Variants in C2orf69 observed in about 807,000 individuals in gnomAD.
C2orf69 encodes mitochondrial protein C2orf69.
C2orf69 carries 19 observed loss-of-function variants against 29.5 expected under a neutral mutation model. The observed-to-expected ratio is 0.65, with a 90% CI of 0.45 to 0.95. C2orf69 has a LOEUF of 0.95. Among genes scored for constraint, C2orf69 ranks in the 40% least tolerant of loss-of-function variants. The pLI is 0.00. For synonymous variants in C2orf69, 194 were observed against 180.0 expected (o/e 1.08, Z -0.62); for missense variants, 416 against 482.1 (o/e 0.86, Z 1.28).
intron 1 of C2orf69, among the ~76,000 whole-genome samples, chr2:199,917,289 CA>C (rs2077296953): frequency 6.6e-6 from 1 of 152,220 alleles, no homozygotes; most frequent in Admixed American, 6.5e-5. Context: ...AGATCTGTGA[CA>C]TGCCCTGGAG....
intron 1 of C2orf69, among the ~76,000 whole-genome samples, chr2:199,919,963 C>CT (rs1057106814): frequency 2.6e-5 from 4 of 152,190 alleles, no homozygotes; most frequent in Admixed American, 1.3e-4. Context: ...GAGTGGGTCT[C>CT]TGAGTTTTTG....
intron 1 of C2orf69, among the ~76,000 whole-genome samples, chr2:199,913,184 T>A (rs1371023052): frequency 1.1e-4 from 12 of 105,490 alleles, no homozygotes; most frequent in Non-Finnish European, 1.8e-4. Context: ...TATATAAAAT[T>A]ATATATATTA....
At position 199,925,268 on chromosome 2, in the gene C2orf69, C is replaced by G; in HGVS notation, c.540C>G (p.Asp180Glu). The change falls in exon 2 of 2, where the codon GAC becomes GAG. Residue 180 changes from aspartate (D) to glutamate (E), a missense_variant. Transcript: ENST00000319974. The surrounding 1 kb of genome is among the most constrained non-coding windows in gnomAD (Gnocchi z 4.9). ...NMFGAPEHNT[D>E]FGAFKHLYML... is the part of the protein sequence containing the mutation. ...TTGGTGCCCCAGAACACAATACTGA[C>G]TTTGGAGCTTTTAAGCACCTTTATA... 3 of 1,612,308 alleles carry G rather than the reference C, an allele frequency of 1.9e-6. No homozygotes were observed. The highest frequency in any genetic ancestry group is 2.5e-6 in the Non-Finnish European group (3 of 1,179,724).
chr2:199,911,737 A>G lies in C2orf69; in HGVS notation c.299A>G (p.Gln100Arg). 6.5e-7 allele frequency: 1 copy of G among 1,541,362 alleles called. No individual in the cohort carries two copies. Among genetic ancestry groups the G allele is most frequent in the Non-Finnish European group, 8.7e-7 (1 of 1,146,908 alleles). ...PAKEEPQPPP[Q>R]HHVLYFPGDV... The stretch of plus-strand genomic sequence containing the variant: ...AAGGAGGAGCCGCAGCCGCCGCCCC[A>G]GCATCACGTCCTCTATTTCCCTGGG... The change falls in exon 1 of 2, where the codon CAG becomes CGG. Residue 100 changes from glutamine to arginine, a missense_variant. Gln to Arg is a conservative substitution (Grantham distance 43, BLOSUM62 1). Around this residue, in one of 4 missense-constraint regions of C2orf69, gnomAD observed 175 missense variants for 139.9 expected, o/e 1.25. Transcript: ENST00000319974.
intron 1 of C2orf69, among the ~76,000 whole-genome samples, chr2:199,920,005 G>A (rs2077308161): frequency 6.6e-6 from 1 of 152,184 alleles, no homozygotes; most frequent in South Asian, 2.1e-4. Context: ...GGAGTAGTAG[G>A]CATTCTTTAA....
chr2:199,913,433 A>ATATTC (rs1553564888), intron 1 of C2orf69, among the ~76,000 whole-genome samples: 1,286 of 33,128 alleles, frequency 0.039, 97 homozygotes, highest in Non-Finnish European at 0.059. Flanking sequence ...TATAAAATAT[A>ATATTC]TATTATATAA....
rs2077333161 is a variant in C2orf69, at chr2:199,925,769, G to A, written c.1041G>A (p.Glu347=). Residue 347 remains glutamate (E), a synonymous_variant, in exon 2 of 2, where the codon GAG becomes GAA. Transcript: ENST00000319974. This position sits in a 1 kb window ranked among gnomAD's most constrained non-coding sequence, Gnocchi z 4.9. ...CAATGAGATCTTGGATTGGAAAGGA[G>A]CACAAGAAATTTGTTCAGATACTTG... ...RDPMRSWIGK[E]HKKFVQILGD... 3 of 1,613,770 alleles carry A rather than the reference G, an allele frequency of 1.9e-6. No homozygotes were observed. The highest frequency in any genetic ancestry group is 2.7e-5 in the African/African-American group (2 of 74,912).
chr2:199,913,481 A>AATATATATATTATATTATATAAAAT, intron 1 of C2orf69, among the ~76,000 whole-genome samples: 1 of 104,710 alleles, frequency 9.6e-6, no homozygotes, highest in Admixed American at 1.5e-4. Flanking sequence ...TATTATATAA[A>AATATATATATTATATTATATAAAAT]ATATATATTA....
intron 1 of C2orf69, among the ~76,000 whole-genome samples, chr2:199,912,939 C>T (rs1193225655): frequency 1.3e-5 from 2 of 151,440 alleles, no homozygotes; most frequent in East Asian, 3.9e-4. Flanking sequence ...CCGCGCCCGG[C>T]CTACATGTGT....
chr2:199,925,213 G>A lies in C2orf69; in HGVS notation c.485G>A (p.Cys162Tyr). The A allele has an allele frequency of 6.2e-7, 1 of 1,612,488 alleles. No homozygotes were observed. Among genetic ancestry groups the A allele is most frequent in the Admixed American group, 1.7e-5 (1 of 60,000 alleles). The change falls in exon 2 of 2, where the codon TGC becomes TAC. Residue 162 changes from cysteine to tyrosine, a missense_variant. This residue lies in a region of C2orf69 where 225 missense variants were observed against 307.3 expected (regional missense o/e 0.73). Coordinates refer to ENST00000319974, the MANE Select transcript of C2orf69 (RefSeq NM_153689.6). This position sits in a 1 kb window ranked among gnomAD's most constrained non-coding sequence, Gnocchi z 4.9. ...CGAATGCATTTGCACAAATTCAGCTGCTATGACAATTTTGTGAAAAGTAAC... is the reference window on the plus strand; with the variant it reads ...CGAATGCATTTGCACAAATTCAGCTACTATGACAATTTTGTGAAAAGTAAC... Reference protein sequence around the residue: ...CSRMHLHKFSCYDNFVKSNMF... With the variant: ...CSRMHLHKFSYYDNFVKSNMF...
At chr2:199,918,771 G>T (rs565482489) in intron 1 of C2orf69, among the ~76,000 whole-genome samples, 1 of 152,090 alleles carries the variant, frequency 6.6e-6, no homozygotes, top group African/African-American at 2.4e-5. Context: ...AAGTACCTCC[G>T]TGCTCCTTTA....
In C2orf69 at chr2:199,911,328, G is replaced by C. The variant is rs925068545; in HGVS notation, c.-111G>C. On this transcript the variant is annotated 5_prime_UTR_variant, in exon 1 of 2. Coordinates refer to ENST00000319974, the MANE Select transcript of C2orf69 (RefSeq NM_153689.6). ...GTCGCCTCAGCGCCGGCTCCCGGCC[G>C]GGCCGCGGCCGCCGACCGTTGAGCC... is the stretch of plus-strand genomic sequence containing the variant. 1.5e-5 allele frequency: 20 copies of C among 1,291,694 alleles called. No individual in the cohort carries two copies. Among genetic ancestry groups the C allele is most frequent in the Non-Finnish European group, 2.0e-5 (20 of 1,001,934 alleles). The allele number at this position is 1,291,694 out of a possible 1,614,324, so 80.0% of individuals were successfully genotyped here. A position where few individuals can be genotyped will look rare whatever the true frequency, so the allele number is the denominator to read the frequency against.
rs1449288570 is a variant in C2orf69 at position 199,911,460 on chromosome 2, C to T, written c.22C>T (p.Arg8Trp). Residue 8 changes from arginine (R) to tryptophan (W), a missense_variant, in exon 1 of 2, where the codon CGG becomes TGG. Coordinates refer to ENST00000319974, the MANE Select transcript of C2orf69 (RefSeq NM_153689.6). ...ACCCATGTGGGGGTTCAGGCTCCTG[C>T]GGTCGCCGCCGTTGCTGCTCCTGCT... is the stretch of plus-strand genomic sequence containing the variant. MWGFRLL[R>W]SPPLLLLLPQ... is the part of the protein sequence containing the mutation. 1 of 1,543,476 alleles carries T rather than the reference C, an allele frequency of 6.5e-7. No homozygotes were observed. The highest frequency in any genetic ancestry group is 8.7e-7 in the Non-Finnish European group (1 of 1,143,668).
In C2orf69 at chr2:199,911,389, G is replaced by C. The variant is rs1574775608; in HGVS notation, c.-50G>C. 6 of 1,421,568 alleles carry C rather than the reference G, an allele frequency of 4.2e-6. No individual in the cohort carries two copies. The East Asian group carries it at 1.4e-4, about 33-fold the overall frequency. The allele number at this position is 1,421,568 out of a possible 1,614,324, so 88.1% of individuals were successfully genotyped here. A position where few individuals can be genotyped will look rare whatever the true frequency, so the allele number is the denominator to read the frequency against. The stretch of plus-strand genomic sequence containing the variant: ...CCGCCTGCTGAAGTCCCTCCCTCAG[G>C]AACCCCTCCGCCACCCTCCACCTCC... On this transcript the variant is annotated 5_prime_UTR_variant, in exon 1 of 2. Coordinates refer to ENST00000319974, the MANE Select transcript of C2orf69 (RefSeq NM_153689.6).
chr2:199,912,701 C>T (rs936172981), intron 1 of C2orf69, among the ~76,000 whole-genome samples: 1 of 151,990 alleles, frequency 6.6e-6, no homozygotes, highest in Non-Finnish European at 1.5e-5. Flanking sequence ...AGTGCAGTGG[C>T]GCAGTCTCGA....
Position 199,927,698 on chromosome 2 carries a change from G to T in C2orf69, c.*1812G>T, listed in dbSNP as rs2077341218. 6.6e-6 allele frequency: 1 copy of T among 151,138 alleles called. No individual in the cohort carries two copies. The highest frequency in any genetic ancestry group is 1.5e-5 in the Non-Finnish European group (1 of 67,842). The allele number at this position is 151,138 out of a possible 1,614,324, so 9.4% of individuals were successfully genotyped here. A position where few individuals can be genotyped will look rare whatever the true frequency, so the allele number is the denominator to read the frequency against. ...ATTTTAACATTTTACATATTACATT[G>T]CCTTTAAGCACTATGATTGGATGGC... is the stretch of plus-strand genomic sequence containing the variant. On this transcript the variant is annotated 3_prime_UTR_variant, in exon 2 of 2. Transcript: ENST00000319974.
At chr2:199,917,051 C>G (rs935408879) in intron 1 of C2orf69, among the ~76,000 whole-genome samples, 2 of 152,224 alleles carry the variant, frequency 1.3e-5, no homozygotes, top group African/African-American at 4.8e-5. Context: ...AACCTCAATT[C>G]CTTACTTTTA....
At chr2:199,921,788 C>T (rs947461678) in intron 1 of C2orf69, among the ~76,000 whole-genome samples, 12 of 151,724 alleles carry the variant, frequency 7.9e-5, no homozygotes, top group Non-Finnish European at 1.2e-4. Context: ...CTAGAGAAAA[C>T]GACTGCTAGA....
In C2orf69 at chr2:199,911,691, G is replaced by T. The variant is rs1477384619; in HGVS notation, c.253G>T (p.Asp85Tyr). ...AAAGEGLERQDLPGDPAKEEP... is the reference protein window; with the variant it reads ...AAAGEGLERQYLPGDPAKEEP... ...GGCCGGGGAGGGACTGGAGCGGCAGGACCTCCCCGGGGACCCAGCGAAGGA... is the reference window on the plus strand; with the variant it reads ...GGCCGGGGAGGGACTGGAGCGGCAGTACCTCCCCGGGGACCCAGCGAAGGA... The change falls in exon 1 of 2, where the codon GAC becomes TAC. Residue 85 changes from aspartate (D) to tyrosine (Y), a missense_variant. Transcript: ENST00000319974. The T allele has an allele frequency of 1.6e-5, 25 of 1,546,450 alleles. No individual in the cohort carries two copies. Among genetic ancestry groups the T allele is most frequent in the Non-Finnish European group, 2.2e-5 (25 of 1,146,886 alleles).
Sources: gnomAD v4.1 joint callset for allele counts (sites outside exome capture counted in the v4.1 genomes callset) on GRCh38, gnomAD v4.1.1 for gene constraint, gnomAD v4.1.1 regional missense constraint, Gnocchi (gnomAD v3.1) non-coding constraint, MANE v1.5 for transcripts, NCBI Gene and HGNC (gene_info 2026-07-23, HGNC 2026-07-21) for gene names.